SLCO3A1: variants seen among roughly 807,000 people sequenced by gnomAD.
The protein encoded by SLCO3A1 is solute carrier organic anion transporter family member 3A1.
SLCO3A1 carries 27 observed loss-of-function variants against 63.1 expected under a neutral mutation model. The ratio of observed to expected loss-of-function variants is 0.43; its 90% CI spans 0.32 to 0.59. The LOEUF (loss-of-function observed/expected upper bound fraction) is 0.59. Among genes scored for constraint, SLCO3A1 ranks in the 20% least tolerant of loss-of-function variants. The pLI is 0.09. For synonymous variants in SLCO3A1, 473 were observed against 409.9 expected, an observed-to-expected ratio of 1.15 and a Z score of -1.86; for missense variants, 773 against 945.8, an observed-to-expected ratio of 0.82 and a Z score of 2.40.
chr15:92,048,619 G>A (rs1368921721), intron 2 of SLCO3A1, among the ~76,000 whole-genome samples: 1 of 152,098 alleles, frequency 6.6e-6, no homozygotes, highest in East Asian at 1.9e-4. Flanking sequence ...TGCTGGGGAG[G>A]TAACCCGTCC....
intron 2 of SLCO3A1, among the ~76,000 whole-genome samples, chr15:92,018,224 A>G (rs1284889910): frequency 2.0e-5 from 3 of 152,188 alleles, no homozygotes; most frequent in African/African-American, 7.2e-5. Flanking sequence ...GGTTTTAACA[A>G]ACCTGTTGCT....
intron 4 of SLCO3A1, among the ~76,000 whole-genome samples, chr15:92,104,965 C>A (rs1470949531): frequency 6.8e-6 from 1 of 147,736 alleles, no homozygotes; most frequent in Non-Finnish European, 1.5e-5. Context: ...CAGCCGGGCG[C>A]GGTGGCTGTA....
chr15:92,111,951 G>A (rs964991665), intron 4 of SLCO3A1, among the ~76,000 whole-genome samples: 4 of 152,202 alleles, frequency 2.6e-5, no homozygotes, highest in African/African-American at 9.7e-5. Flanking sequence ...TCATACTTCT[G>A]AAACATATGT....
At chr15:92,028,111 C>G (rs1179614365) in intron 2 of SLCO3A1, among the ~76,000 whole-genome samples, 1 of 152,148 alleles carries the variant, frequency 6.6e-6, no homozygotes, top group Non-Finnish European at 1.5e-5. Flanking sequence ...CTCTGAGCAC[C>G]ATGTGGGAAA....
In SLCO3A1 at chr15:91,942,258, T is replaced by C. The variant is rs1015937047; in HGVS notation, c.646+25800T>C. Among the ~76,000 whole-genome samples, 4 of 152,240 alleles carry C rather than the reference T, an allele frequency of 2.6e-5. No homozygotes were observed. Among genetic ancestry groups the C allele is most frequent in the African/African-American group, 9.6e-5 (4 of 41,468 alleles). ...TGAAATCCAAAAATGTAGCAACTGC[T>C]GAACCCCACAATGTCTGATCTATAG... On this transcript the variant is annotated intron_variant, in intron 2 of 9. Transcript: ENST00000318445. The surrounding 1 kb of genome is among the most constrained non-coding windows in gnomAD (Gnocchi z 4.1).
rs1359434727 is a variant in SLCO3A1, at chr15:92,147,952, C to T, written c.1688+793C>T. Among the ~76,000 whole-genome samples the T allele has an allele frequency of 2.0e-5, 3 of 152,176 alleles. No individual in the cohort carries two copies. In the East Asian group the frequency reaches 5.8e-4, roughly 29 times the overall value. On this transcript the variant is annotated intron_variant, in intron 8 of 9. Transcript: ENST00000318445. ...GACTCATCAGCTGGGCATGGTGGCT[C>T]ATGCCTGTAATCCCAGCACTTTGGG...
chr15:92,033,912 G>A lies in SLCO3A1; in HGVS notation c.647-60969G>A, dbSNP rs562176121. Among the ~76,000 whole-genome samples, 97 of 152,154 alleles carry A rather than the reference G, an allele frequency of 6.4e-4. No individual in the cohort carries two copies. Among genetic ancestry groups the A allele is most frequent in the African/African-American group, 2.2e-3 (90 of 41,504 alleles). On this transcript the variant is annotated intron_variant, in intron 2 of 9. Transcript: ENST00000318445. The surrounding 1 kb of genome is among the most constrained non-coding windows in gnomAD (Gnocchi z 4.5). ...CTTATTAGGGCTGGAGCAGGCTGGC[G>A]TTGATGAGCTGGGAGCAGGCGCATG...
intron 5 of SLCO3A1, among the ~76,000 whole-genome samples, chr15:92,124,506 T>TGTTC (rs143865982): frequency 0.021 from 3,244 of 152,248 alleles, 101 homozygotes; most frequent in African/African-American, 0.072. Context: ...ACATCCAATC[T>TGTTC]GTTCCTTAGC....
intron 1 of SLCO3A1, among the ~76,000 whole-genome samples, chr15:91,904,207 T>C (rs1251110432): frequency 6.6e-6 from 1 of 152,228 alleles, no homozygotes; most frequent in African/African-American, 2.4e-5. Context: ...TCTCTACTCC[T>C]GTGGTCAATT....
At chr15:91,895,613 AATACTGTTG>A (rs1441488251) in intron 1 of SLCO3A1, among the ~76,000 whole-genome samples, 1 of 152,220 alleles carries the variant, frequency 6.6e-6, no homozygotes, top group Non-Finnish European at 1.5e-5. Context: ...TTTCCCAGCC[AATACTGTTG>A]ATTCATAGTG....
intron 1 of SLCO3A1, among the ~76,000 whole-genome samples, chr15:91,866,032 C>G (rs1400353818): frequency 6.6e-6 from 1 of 152,208 alleles, no homozygotes; most frequent in East Asian, 1.9e-4. Context: ...GAAATGCGGA[C>G]AGTCCCTGTT....
At chr15:92,109,112 G>T (rs557174724) in intron 4 of SLCO3A1, among the ~76,000 whole-genome samples, 1 of 152,248 alleles carries the variant, frequency 6.6e-6, no homozygotes, top group Admixed American at 6.5e-5. Context: ...AGACATGGAC[G>T]CATGCACAGA....
chr15:92,171,629 T>G, intron 10 of SLCO3A1: 1 of 625,034 alleles, frequency 1.6e-6, no homozygotes, highest in Admixed American at 2.6e-5. Context: ...TTACATGGAA[T>G]GAAACCCAGC....
intron 4 of SLCO3A1, among the ~76,000 whole-genome samples, chr15:92,107,008 G>T (rs1280451503): frequency 1.3e-5 from 2 of 152,110 alleles, no homozygotes; most frequent in Non-Finnish European, 1.5e-5. Flanking sequence ...TTATATTCTG[G>T]AGCTTATGTT....
intron 2 of SLCO3A1, among the ~76,000 whole-genome samples, chr15:91,986,264 C>T (rs188070578): frequency 6.6e-6 from 1 of 152,274 alleles, no homozygotes; most frequent in East Asian, 1.9e-4. Context: ...GGTAAAGAGC[C>T]TCCCTGGCTT....
intron 2 of SLCO3A1, among the ~76,000 whole-genome samples, chr15:91,978,088 T>C (rs1406076452): frequency 6.6e-6 from 1 of 152,162 alleles, no homozygotes; most frequent in Admixed American, 6.5e-5. Context: ...TTCTTGTTTG[T>C]TTTCTCCCAT....
chr15:92,104,789 A>G (rs573410034), intron 4 of SLCO3A1, among the ~76,000 whole-genome samples: 1 of 152,328 alleles, frequency 6.6e-6, no homozygotes, highest in African/African-American at 2.4e-5. Flanking sequence ...AGTGGTTAAT[A>G]TAGGACCTGA....
intron 2 of SLCO3A1, among the ~76,000 whole-genome samples, chr15:91,965,418 G>T (rs1036050313): frequency 6.6e-6 from 1 of 152,164 alleles, no homozygotes; most frequent in African/African-American, 2.4e-5. Context: ...GACCTGACAG[G>T]TCCAAATAAA....
At chr15:92,151,135 T>TA (rs1487828864) in intron 9 of SLCO3A1, 121 bp downstream of exon 9, 7 of 727,598 alleles carry the variant, frequency 9.6e-6, no homozygotes, top group Non-Finnish European at 1.5e-5. Flanking sequence ...GTTTAATTAT[T>TA]AGTAAATAAG....
Sources: allele counts gnomAD v4.1 joint callset (sites outside exome capture counted in the v4.1 genomes callset), GRCh38; gene constraint gnomAD v4.1.1; non-coding constraint Gnocchi (gnomAD v3.1); transcripts MANE v1.5; gene names NCBI Gene and HGNC (gene_info 2026-07-23, HGNC 2026-07-21).